The following KIF13B variants were observed in gnomAD, a reference collection of about 807,000 sequenced individuals.
KIF13B encodes the protein kinesin-like protein KIF13B.
A neutral mutation model predicts 222.0 loss-of-function variants in KIF13B; 127 were observed. That is an observed-to-expected ratio of 0.57 (90% CI 0.50 to 0.66). The LOEUF is 0.66. KIF13B is among the 30% of genes least tolerant of loss of function. The pLI is 0.00. For missense variants in KIF13B, 2,173 were observed against 2,379.0 expected (o/e 0.91, Z 1.80); for synonymous variants, 976 against 919.0 (o/e 1.06, Z -1.12).
chr8:29,225,574 A>C (rs1814984726), intron 2 of KIF13B, among the ~76,000 whole-genome samples: 1 of 152,206 alleles, frequency 6.6e-6, no homozygotes. Context: ...GGAAATCTAA[A>C]CATTTGTTTT....
chr8:29,068,679 G>C lies in KIF13B; in HGVS notation c.*1825C>G, dbSNP rs1807112046. 6.6e-6 allele frequency: 1 copy of C among 152,416 alleles called. No individual in the cohort carries two copies. The highest frequency in any genetic ancestry group is 1.5e-5 in the Non-Finnish European group (1 of 68,100). The allele number at this position is 152,416 out of a possible 1,614,324, so 9.4% of individuals were successfully genotyped here. A position where few individuals can be genotyped will look rare whatever the true frequency, so the allele number is the denominator to read the frequency against. Reference sequence around the variant, plus strand: ...CAGAGCGTCCCCACTACACGGCCCAGGCGTTTCCCCTCAGGGCAGCAGCAG... The same window carrying C: ...CAGAGCGTCCCCACTACACGGCCCACGCGTTTCCCCTCAGGGCAGCAGCAG... On this transcript the variant is annotated 3_prime_UTR_variant, in exon 40 of 40. Transcript: ENST00000524189. The surrounding 1 kb of genome is among the most constrained non-coding windows in gnomAD (Gnocchi z 4.4).
intron 2 of KIF13B, among the ~76,000 whole-genome samples, chr8:29,235,484 A>G (rs1241649736): frequency 6.6e-6 from 1 of 152,218 alleles, no homozygotes; most frequent in Non-Finnish European, 1.5e-5. Flanking sequence ...ATTTGAGGGT[A>G]ACATCAGAGC....
chr8:29,078,083 G>A (rs1472870752), intron 37 of KIF13B, among the ~76,000 whole-genome samples: 1 of 139,808 alleles, frequency 7.2e-6, no homozygotes, highest in African/African-American at 2.7e-5. Flanking sequence ...AGGAGTTTGG[G>A]ACCAGCCTGG....
intron 37 of KIF13B, 83 bp downstream of exon 37, chr8:29,092,662 C>A: frequency 7.0e-7 from 1 of 1,423,650 alleles, no homozygotes; most frequent in Non-Finnish European, 9.3e-7. Context: ...CCAGAGGCCG[C>A]ACCTCCACCT....
Position 29,212,149 on chromosome 8 carries a change from A to G in KIF13B, c.150-15950T>C, listed in dbSNP as rs544968999. On this transcript the variant is annotated intron_variant, in intron 2 of 39. Coordinates refer to ENST00000524189, the MANE Select transcript of KIF13B (RefSeq NM_015254.4). ...ATACTGCTCCTTGGAACATTCAAGA[A>G]TAAGTCTTTGTGTACACATTTATTT... 3.3e-5 allele frequency among the ~76,000 whole-genome samples: 5 copies of G among 152,356 alleles called. No individual in the cohort carries two copies. The South Asian group carries it at 8.3e-4, about 25-fold the overall frequency.
intron 2 of KIF13B, among the ~76,000 whole-genome samples, chr8:29,232,447 T>C (rs1462018265): frequency 6.8e-6 from 1 of 147,956 alleles, no homozygotes; most frequent in Non-Finnish European, 1.5e-5. Flanking sequence ...AATAAATATA[T>C]ATATATATAC....
chr8:29,144,720 C>T (rs1810977207), intron 18 of KIF13B, among the ~76,000 whole-genome samples: 1 of 152,180 alleles, frequency 6.6e-6, no homozygotes, highest in South Asian at 2.1e-4. Context: ...GCTACCATAA[C>T]TTAGCCCTCT....
intron 35 of KIF13B, among the ~76,000 whole-genome samples, chr8:29,102,905 C>T (rs1808861863): frequency 6.6e-6 from 1 of 152,160 alleles, no homozygotes; most frequent in Non-Finnish European, 1.5e-5. Flanking sequence ...ACCTTATTGA[C>T]TTCTTAAAAA....
At chr8:29,154,689 C>T (rs753733994) in intron 14 of KIF13B, among the ~76,000 whole-genome samples, 5 of 152,138 alleles carry the variant, frequency 3.3e-5, no homozygotes, top group Non-Finnish European at 7.3e-5. Context: ...TGCACTTAAA[C>T]GCAACGATGA....
intron 37 of KIF13B, 84 bp downstream of exon 37, chr8:29,092,661 G>T (rs1055703529): frequency 7.1e-7 from 1 of 1,416,304 alleles, no homozygotes; most frequent in African/African-American, 1.5e-5. Flanking sequence ...CCCAGAGGCC[G>T]CACCTCCACC....
rs760951930 is a variant in KIF13B, at chr8:29,167,617, A to C, written c.946-32T>G. ...GAGAAAACAGAAAGTTGAGTAGCAT[A>C]TTAAAGTTGGAAGAAGACGTCATAT... On this transcript the variant is annotated intron_variant, in intron 10 of 39. Coordinates refer to ENST00000524189, the MANE Select transcript of KIF13B (RefSeq NM_015254.4). 6 of 1,565,178 alleles carry C rather than the reference A, an allele frequency of 3.8e-6. No individual in the cohort carries two copies. The African/African-American group carries it at 4.1e-5, about 11-fold the overall frequency.
intron 29 of KIF13B, among the ~76,000 whole-genome samples, chr8:29,120,279 C>T (rs1161773899): frequency 1.7e-4 from 20 of 118,750 alleles, no homozygotes; most frequent in African/African-American, 6.2e-4. Context: ...GCTGCACCCA[C>T]TAACGTGTCA....
rs747841646 is a variant in KIF13B, at chr8:29,108,157, G to C, written c.4197C>G (p.Tyr1399Ter). The C allele has an allele frequency of 1.9e-6, 3 of 1,612,072 alleles. No homozygotes were observed. In the South Asian group the frequency reaches 3.3e-5, roughly 18 times the overall value. ...SGSRQDLIPS[Y>*]SLGSNKGRWE... ...CACCTACCTTGTTGCTGCCTAGACTGTATGATGGAATGAGATCTTGTCGGC... is the reference window on the plus strand; with the variant it reads ...CACCTACCTTGTTGCTGCCTAGACTCTATGATGGAATGAGATCTTGTCGGC... The change falls in exon 35 of 40, where the codon TAC becomes TAG. Residue 1399 changes from tyrosine to a stop codon, truncating the protein, a stop_gained. Transcript: ENST00000524189. LOFTEE classifies it high-confidence loss of function.
At chr8:29,260,900 A>T (rs1399825569) in intron 1 of KIF13B, among the ~76,000 whole-genome samples, 1 of 152,182 alleles carries the variant, frequency 6.6e-6, no homozygotes, top group Non-Finnish European at 1.5e-5. Flanking sequence ...TTATAAGCGT[A>T]AGCCACCGTG....
intron 10 of KIF13B, among the ~76,000 whole-genome samples, chr8:29,167,787 T>C (rs908798617): frequency 6.6e-6 from 1 of 152,150 alleles, no homozygotes; most frequent in East Asian, 1.9e-4. Flanking sequence ...AATAGGGAGT[T>C]TTAGCCTTTG....
intron 37 of KIF13B, 148 bp from the exon 38 acceptor site, chr8:29,075,491 A>C (rs924908749): frequency 1.5e-6 from 1 of 670,028 alleles, no homozygotes; most frequent in Non-Finnish European, 2.5e-6. Context: ...ACACCCTCCA[A>C]GGAACAAGGG....
intron 31 of KIF13B, among the ~76,000 whole-genome samples, chr8:29,116,150 G>A (rs1809585244): frequency 6.6e-6 from 1 of 152,212 alleles, no homozygotes; most frequent in African/African-American, 2.4e-5. Flanking sequence ...TGCTGCCTCA[G>A]CCTCCTGAGT....
intron 10 of KIF13B, among the ~76,000 whole-genome samples, chr8:29,173,296 TG>T (rs1056198969): frequency 6.6e-6 from 1 of 152,076 alleles, no homozygotes; most frequent in Non-Finnish European, 1.5e-5. Context: ...AATGTTTCTA[TG>T]GAAAGTTTGA....
Position 29,180,468 on chromosome 8 carries a change from C to T in KIF13B, c.586-230G>A, listed in dbSNP as rs189897525. Among the ~76,000 whole-genome samples the T allele has an allele frequency of 5.9e-5, 9 of 152,296 alleles. No homozygotes were observed. In the East Asian group the frequency reaches 1.7e-3, roughly 29 times the overall value. On this transcript the variant is annotated intron_variant, in intron 7 of 39. Transcript: ENST00000524189. ...ACAGGTACAGAGGTGGCAGCCTTGA[C>T]TCAAAGTTCAGAAGCTACACCTTTG... is the stretch of plus-strand genomic sequence containing the variant.
Sources: gnomAD v4.1 joint callset for allele counts (sites outside exome capture counted in the v4.1 genomes callset) on GRCh38, gnomAD v4.1.1 for gene constraint, Gnocchi (gnomAD v3.1) non-coding constraint, MANE v1.5 for transcripts, NCBI Gene and HGNC (gene_info 2026-07-23, HGNC 2026-07-21) for gene names.